Variants in TSHZ1 observed in about 807,000 individuals in gnomAD.
The protein encoded by TSHZ1 is teashirt zinc finger homeobox 1, also known as teashirt homolog 1.
Under a neutral mutation model 67.1 loss-of-function variants are expected in TSHZ1, and 12 were observed. The observed-to-expected ratio is 0.18, with a 90% CI of 0.11 to 0.29. The LOEUF is 0.29. Among genes scored for constraint, TSHZ1 ranks in the 10% least tolerant of loss-of-function variants. TSHZ1 has a pLI of 1.00. For synonymous variants in TSHZ1, 632 were observed against 622.4 expected, an observed-to-expected ratio of 1.02 and a Z score of -0.23; for missense variants, 1,305 against 1,413.9, an observed-to-expected ratio of 0.92 and a Z score of 1.23.
In TSHZ1 at chr18:75,287,212, A is replaced by G. The variant is rs371962064; in HGVS notation, c.1805A>G (p.Gln602Arg). Reference sequence around the variant, plus strand: ...GCGGCCGTGCAGAGCGTGCAGGTGCAGCCGTCCTATGCTGGCGGCGTGAAG... The same window carrying G: ...GCGGCCGTGCAGAGCGTGCAGGTGCGGCCGTCCTATGCTGGCGGCGTGAAG... ...LPAAVQSVQV[Q>R]PSYAGGVKSL... Residue 602 changes from glutamine (Q) to arginine (R), a missense_variant, in exon 2 of 2, where the codon CAG becomes CGG. Coordinates refer to ENST00000580243, the MANE Select transcript of TSHZ1 (RefSeq NM_001308210.2). The surrounding 1 kb of genome is among the most constrained non-coding windows in gnomAD (Gnocchi z 5.0). 3.1e-6 allele frequency: 5 copies of G among 1,613,688 alleles called. No individual in the cohort carries two copies. In the African/African-American group the frequency reaches 5.3e-5, roughly 17 times the overall value.
At position 75,281,749 on chromosome 18, in the gene TSHZ1, A is replaced by G. The variant is rs1444970503; in HGVS notation, c.41-3699A>G. 6.6e-6 allele frequency among the ~76,000 whole-genome samples: 1 copy of G among 152,118 alleles called. No individual in the cohort carries two copies. Among genetic ancestry groups the G allele is most frequent in the Non-Finnish European group, 1.5e-5 (1 of 67,994 alleles). ...GTCTGGAGACGAGGGAGAGGGCCAC[A>G]TGCTGCTCATGGGTGCAACCGGGTG... On this transcript the variant is annotated intron_variant, in intron 1 of 1. Coordinates refer to ENST00000580243, the MANE Select transcript of TSHZ1 (RefSeq NM_001308210.2). This position sits in a 1 kb window ranked among gnomAD's most constrained non-coding sequence, Gnocchi z 5.3.
intron 1 of TSHZ1, among the ~76,000 whole-genome samples, chr18:75,224,295 T>C (rs1021636600): frequency 1.3e-4 from 20 of 152,160 alleles, no homozygotes; most frequent in African/African-American, 4.1e-4. Flanking sequence ...AAAGAGAGCT[T>C]AACAGGATTT....
chr18:75,288,048 C>A lies in TSHZ1; in HGVS notation c.2641C>A (p.Pro881Thr), dbSNP rs976498917. The A allele has an allele frequency of 5.6e-6, 9 of 1,613,876 alleles. No individual in the cohort carries two copies. Among genetic ancestry groups the A allele is most frequent in the Non-Finnish European group, 7.6e-6 (9 of 1,180,044 alleles). ...TGAGGAGGCGTTGGACGAGCTGTCA[C>A]CGGTCCACAAGAGGAAGGGCCGGCA... ...SFEEALDELSPVHKRKGRQSN... is the reference protein window; with the variant it reads ...SFEEALDELSTVHKRKGRQSN... Residue 881 changes from proline to threonine, a missense_variant, in exon 2 of 2, where the codon CCG becomes ACG. Pro to Thr is a conservative substitution (Grantham distance 38). Coordinates refer to ENST00000580243, the MANE Select transcript of TSHZ1 (RefSeq NM_001308210.2). This position sits in a 1 kb window ranked among gnomAD's most constrained non-coding sequence, Gnocchi z 4.9.
At position 75,287,717 on chromosome 18, in the gene TSHZ1, G is replaced by A. The variant is rs746569911; in HGVS notation, c.2310G>A (p.Pro770=). ...VSKPVSPSLD[P]LAMLYKISNS... ...AGCCCGTGAGTCCCTCGCTGGACCC[G>A]CTGGCGATGCTGTACAAGATCAGCA... The change falls in exon 2 of 2, where the codon CCG becomes CCA. Residue 770 remains proline (P), a synonymous_variant. Transcript: ENST00000580243. The surrounding 1 kb of genome is among the most constrained non-coding windows in gnomAD (Gnocchi z 5.0). 63 of 1,614,040 alleles carry A rather than the reference G, an allele frequency of 3.9e-5. 1 individual carries two copies. In the South Asian group the frequency reaches 5.3e-4, roughly 14 times the overall value.
intron 1 of TSHZ1, among the ~76,000 whole-genome samples, chr18:75,244,247 G>T (rs867527678): frequency 1.6e-4 from 25 of 152,270 alleles, no homozygotes; most frequent in Middle Eastern, 3.4e-3. Flanking sequence ...ACCCACGGTT[G>T]TGCCCCTTTT....
intron 1 of TSHZ1, among the ~76,000 whole-genome samples, chr18:75,279,981 C>A (rs2023665085): frequency 6.6e-6 from 1 of 152,226 alleles, no homozygotes; most frequent in African/African-American, 2.4e-5. Context: ...AGAACCACTT[C>A]ATTCAATGAT....
At chr18:75,268,319 A>G (rs1057206121) in intron 1 of TSHZ1, among the ~76,000 whole-genome samples, 1 of 152,196 alleles carries the variant, frequency 6.6e-6, no homozygotes, top group Non-Finnish European at 1.5e-5. Context: ...GCTTTTCTAC[A>G]TGATAGGAGA....
chr18:75,223,859 C>T lies in TSHZ1; in HGVS notation c.40+11943C>T, dbSNP rs763350519. Among the ~76,000 whole-genome samples, 68 of 151,954 alleles carry T rather than the reference C, an allele frequency of 4.5e-4. 1 individual carries two copies. The highest frequency in any genetic ancestry group is 6.5e-4 in the Non-Finnish European group (44 of 67,988). Reference sequence around the variant, plus strand: ...ACACCCCCTTTATGGAGTGTTGGTACTAATAAAGGCCAGCTTATTACTGAG... The same window carrying T: ...ACACCCCCTTTATGGAGTGTTGGTATTAATAAAGGCCAGCTTATTACTGAG... On this transcript the variant is annotated intron_variant, in intron 1 of 1. Transcript: ENST00000580243.
At chr18:75,280,537 G>A (rs763828503) in intron 1 of TSHZ1, among the ~76,000 whole-genome samples, 2 of 152,184 alleles carry the variant, frequency 1.3e-5, no homozygotes, top group African/African-American at 2.4e-5. Context: ...ACTTGATCCC[G>A]ATAGTGGCAA....
intron 1 of TSHZ1, among the ~76,000 whole-genome samples, chr18:75,240,130 T>A (rs1032158420): frequency 6.6e-6 from 1 of 152,192 alleles, no homozygotes; most frequent in African/African-American, 2.4e-5. Context: ...TAAATATCCT[T>A]GGAGAGTTTA....
At chr18:75,248,504 G>A (rs773732531) in intron 1 of TSHZ1, among the ~76,000 whole-genome samples, 16 of 152,168 alleles carry the variant, frequency 1.1e-4, no homozygotes, top group Non-Finnish European at 1.8e-4. Context: ...GTTATTTATC[G>A]TAAGATAGAC....
Position 75,288,651 on chromosome 18 carries a change from A to G in TSHZ1, c.*10A>G, listed in dbSNP as rs757915440. The G allele has an allele frequency of 1.9e-6, 3 of 1,573,606 alleles. No individual in the cohort carries two copies. The highest frequency in any genetic ancestry group is 2.6e-6 in the Non-Finnish European group (3 of 1,160,646). On this transcript the variant is annotated 3_prime_UTR_variant, in exon 2 of 2. Transcript: ENST00000580243. The surrounding 1 kb of genome is among the most constrained non-coding windows in gnomAD (Gnocchi z 4.9). ...GTTGGAGAAACAGTAGCGTCCAGGTATGCAAGAGACCGCGGAACATTGCAC... is the reference window on the plus strand; with the variant it reads ...GTTGGAGAAACAGTAGCGTCCAGGTGTGCAAGAGACCGCGGAACATTGCAC...
intron 1 of TSHZ1, among the ~76,000 whole-genome samples, chr18:75,226,913 C>T (rs1415915059): frequency 1.3e-5 from 2 of 152,180 alleles, no homozygotes; most frequent in Non-Finnish European, 2.9e-5. Flanking sequence ...AATTAACCCT[C>T]CCCACCTCAG....
intron 1 of TSHZ1, among the ~76,000 whole-genome samples, chr18:75,277,420 C>T (rs569173526): frequency 3.3e-5 from 5 of 152,230 alleles, no homozygotes; most frequent in South Asian, 2.1e-4. Context: ...CAGGCGTCCT[C>T]GTTCCTTCAG....
chr18:75,237,794 T>TTA (rs1167102519), intron 1 of TSHZ1, among the ~76,000 whole-genome samples: 2 of 145,108 alleles, frequency 1.4e-5, no homozygotes, highest in Non-Finnish European at 3.0e-5. Flanking sequence ...TTTCTTTCAT[T>TTA]TATTTATTTA....
At chr18:75,264,450 C>G (rs1186827600) in intron 1 of TSHZ1, among the ~76,000 whole-genome samples, 1 of 150,406 alleles carries the variant, frequency 6.6e-6, no homozygotes, top group Admixed American at 6.6e-5. Context: ...CAACCTCATG[C>G]TTAGCGTTCT....
intron 1 of TSHZ1, among the ~76,000 whole-genome samples, chr18:75,218,248 A>G (rs2022798754): frequency 6.6e-6 from 1 of 152,236 alleles, no homozygotes; most frequent in Non-Finnish European, 1.5e-5. Context: ...TGCTGCCATT[A>G]TCTTGACAGG....
intron 1 of TSHZ1, among the ~76,000 whole-genome samples, chr18:75,272,444 C>G (rs2023569972): frequency 6.6e-6 from 1 of 152,202 alleles, no homozygotes; most frequent in African/African-American, 2.4e-5. Flanking sequence ...TACTAGATTT[C>G]TTAGGACTCT....
At chr18:75,243,454 G>A (rs1229647495) in intron 1 of TSHZ1, among the ~76,000 whole-genome samples, 1 of 152,116 alleles carries the variant, frequency 6.6e-6, no homozygotes, top group Non-Finnish European at 1.5e-5. Context: ...GATGTTACGG[G>A]GGCATTCCAG....
Sources: gnomAD v4.1 joint callset for allele counts (sites outside exome capture counted in the v4.1 genomes callset) on GRCh38, gnomAD v4.1.1 for gene constraint, Gnocchi (gnomAD v3.1) non-coding constraint, MANE v1.5 for transcripts, NCBI Gene and HGNC (gene_info 2026-07-23, HGNC 2026-07-21) for gene names.